Variants in BMPR2 observed in about 807,000 individuals in gnomAD.
The protein encoded by BMPR2 is bone morphogenetic protein receptor type-2.
In BMPR2, 29 loss-of-function variants were observed where a neutral mutation model predicts 100.8. The ratio of observed to expected loss-of-function variants is 0.29; its 90% CI spans 0.21 to 0.39. The LOEUF is 0.39. BMPR2 is among the 10% of genes least tolerant of loss of function. BMPR2 has a pLI of 1.00. For missense variants in BMPR2, 1,011 were observed against 1,274.5 expected, an observed-to-expected ratio of 0.79 and a Z score of 3.15; for synonymous variants, 382 against 442.3, an observed-to-expected ratio of 0.86 and a Z score of 1.71.
At chr2:202,542,724 A>G (rs1436834955) in intron 10 of BMPR2, among the ~76,000 whole-genome samples, 1 of 152,150 alleles carries the variant, frequency 6.6e-6, no homozygotes, top group Non-Finnish European at 1.5e-5. Context: ...ATAAATTAAC[A>G]TATTAATATT....
Position 202,467,676 on chromosome 2 carries a change from CACA to C in BMPR2, c.409_411del (p.Thr137del). Reference sequence around the variant, plus strand: ...TTACTGAGAATTTTCCACCTCCTGACACAACACCACTCAGTAAGTAAAGTAACC... The same window carrying C: ...TTACTGAGAATTTTCCACCTCCTGACACACCACTCAGTAAGTAAAGTAACC... On this transcript the variant is annotated inframe_deletion, in exon 3 of 13. Coordinates refer to ENST00000374580, the MANE Select transcript of BMPR2 (RefSeq NM_001204.7). The C allele has an allele frequency of 6.2e-7, 1 of 1,611,326 alleles. No individual in the cohort carries two copies. The highest frequency in any genetic ancestry group is 8.5e-7 in the Non-Finnish European group (1 of 1,177,434).
chr2:202,376,511 A>AGGCGGCGGCGGCGGCGGCGGCGGC lies in BMPR2; in HGVS notation c.-951_-928dup, dbSNP rs375624016. The stretch of plus-strand genomic sequence containing the variant: ...AGGAGCCCAGAGCTGCGGGAGAACG[A>AGGCGGCGGCGGCGGCGGCGGCGGC]GGCGGCGGCGGCGGCGGCGGCGGCG... On this transcript the variant is annotated 5_prime_UTR_variant, in exon 1 of 13. Coordinates refer to ENST00000374580, the MANE Select transcript of BMPR2 (RefSeq NM_001204.7). Among the ~76,000 whole-genome samples, 19 of 125,760 alleles carry AGGCGGCGGCGGCGGCGGCGGCGGC rather than the reference A, an allele frequency of 1.5e-4. No homozygotes were observed. The highest frequency in any genetic ancestry group is 2.2e-4 in the Non-Finnish European group (13 of 58,928). 82.5% of individuals were successfully genotyped at this position (125,760 alleles called of 152,430 possible).
chr2:202,477,945 C>A (rs550569785), intron 3 of BMPR2, among the ~76,000 whole-genome samples: 1 of 152,128 alleles, frequency 6.6e-6, no homozygotes, highest in African/African-American at 2.4e-5. Flanking sequence ...TTTTGCCCCC[C>A]TTTTACTTGC....
At chr2:202,555,118 T>C in intron 11 of BMPR2, 134 bp from the exon 12 acceptor site, 1 of 825,220 alleles carries the variant, frequency 1.2e-6, no homozygotes, top group Non-Finnish European at 1.9e-6. Flanking sequence ...TTAGACTTTT[T>C]AACCTTTAGA....
chr2:202,440,644 G>A (rs1691719734), intron 1 of BMPR2, among the ~76,000 whole-genome samples: 1 of 150,586 alleles, frequency 6.6e-6, no homozygotes, highest in South Asian at 2.1e-4. Context: ...GTTGTAGCGA[G>A]CCGAGATCAC....
At chr2:202,543,176 CAA>C (rs1298793856) in intron 10 of BMPR2, among the ~76,000 whole-genome samples, 1 of 56,908 alleles carries the variant, frequency 1.8e-5, no homozygotes, top group Non-Finnish European at 3.6e-5. Flanking sequence ...GACTCTGTCT[CAA>C]AAAAAAAAAA....
intron 1 of BMPR2, among the ~76,000 whole-genome samples, chr2:202,403,500 A>G (rs1486213071): frequency 6.6e-6 from 1 of 152,074 alleles, no homozygotes; most frequent in Non-Finnish European, 1.5e-5. Context: ...TTCTCGTATA[A>G]TTTTGAACAA....
intron 3 of BMPR2, among the ~76,000 whole-genome samples, chr2:202,501,345 T>A (rs936519577): frequency 6.6e-6 from 1 of 152,174 alleles, no homozygotes; most frequent in Non-Finnish European, 1.5e-5. Flanking sequence ...CTCTATACTC[T>A]AATCAAGGAA....
intron 1 of BMPR2, among the ~76,000 whole-genome samples, chr2:202,411,292 C>A (rs1691008985): frequency 6.6e-6 from 1 of 152,120 alleles, no homozygotes. Context: ...GATTAATTGG[C>A]TTTTATTAGC....
At chr2:202,550,088 GGCCAGGTACA>G (rs926949887) in intron 10 of BMPR2, among the ~76,000 whole-genome samples, 8 of 151,926 alleles carry the variant, frequency 5.3e-5, no homozygotes, top group African/African-American at 1.9e-4. Flanking sequence ...AAAAATTTTT[GGCCAGGTACA>G]GTGGCTCACG....
chr2:202,509,930 A>G (rs184422158), intron 3 of BMPR2, among the ~76,000 whole-genome samples: 72 of 152,250 alleles, frequency 4.7e-4, no homozygotes, highest in African/African-American at 1.5e-3. Context: ...CTGTAATGCC[A>G]TATTAATATT....
At chr2:202,406,740 C>A (rs1690898769) in intron 1 of BMPR2, among the ~76,000 whole-genome samples, 1 of 152,124 alleles carries the variant, frequency 6.6e-6, no homozygotes, top group African/African-American at 2.4e-5. Context: ...TAGGCACACA[C>A]TAGAGGCTGT....
At chr2:202,447,799 G>A (rs186642544) in intron 1 of BMPR2, among the ~76,000 whole-genome samples, 1 of 150,656 alleles carries the variant, frequency 6.6e-6, no homozygotes, top group Non-Finnish European at 1.5e-5. Flanking sequence ...AGGGAATGTG[G>A]AGTCTTAGGA....
intron 3 of BMPR2, among the ~76,000 whole-genome samples, chr2:202,469,306 G>A (rs1464997256): frequency 6.6e-6 from 1 of 151,918 alleles, no homozygotes; most frequent in Non-Finnish European, 1.5e-5. Context: ...GGGATTACAG[G>A]TGTGAGCCAC....
At chr2:202,460,490 G>C (rs1692205182) in intron 1 of BMPR2, among the ~76,000 whole-genome samples, 1 of 152,128 alleles carries the variant, frequency 6.6e-6, no homozygotes, top group Admixed American at 6.6e-5. Flanking sequence ...ATACTGTACT[G>C]ATATCTTGAA....
At chr2:202,457,557 TATATAGAGAGAGAGAGAGAGAG>T (rs1380323854) in intron 1 of BMPR2, among the ~76,000 whole-genome samples, 198 of 100,804 alleles carry the variant, frequency 2.0e-3, no homozygotes, top group African/African-American at 7.6e-3. Context: ...TATATATATA[TATATAGAGAGAGAGAGAGAGAG>T]AGAGAGAGAG....
At chr2:202,428,388 CT>C (rs1295351925) in intron 1 of BMPR2, among the ~76,000 whole-genome samples, 3 of 148,652 alleles carry the variant, frequency 2.0e-5, no homozygotes, top group African/African-American at 7.3e-5. Context: ...CTGTTTCTCT[CT>C]CTCTCTTTCT....
chr2:202,527,965 A>G (rs1370739511), intron 7 of BMPR2, among the ~76,000 whole-genome samples: 2 of 152,034 alleles, frequency 1.3e-5, no homozygotes, highest in Non-Finnish European at 2.9e-5. Flanking sequence ...AGGAGAATCA[A>G]ACTCCTGAGC....
intron 9 of BMPR2, among the ~76,000 whole-genome samples, chr2:202,536,835 A>G (rs564651696): frequency 6.9e-6 from 1 of 145,776 alleles, no homozygotes; most frequent in Non-Finnish European, 1.5e-5. Flanking sequence ...GCACCATTGC[A>G]CTCCAGCCTG....
Sources: allele counts gnomAD v4.1 joint callset (sites outside exome capture counted in the v4.1 genomes callset), GRCh38; gene constraint gnomAD v4.1.1; transcripts MANE v1.5; gene names NCBI Gene and HGNC (gene_info 2026-07-23, HGNC 2026-07-21).